Variants in RYR2 observed in about 807,000 individuals in gnomAD.
The protein encoded by RYR2 is cardiac muscle ryanodine receptor-calcium release channel.
A neutral mutation model predicts 601.1 loss-of-function variants in RYR2; 227 were observed. The ratio of observed to expected loss-of-function variants is 0.38; its 90% confidence interval spans 0.34 to 0.42. The LOEUF (loss-of-function observed/expected upper bound fraction) is 0.42. RYR2 is among the 10% of genes least tolerant of loss of function. RYR2 has a pLI of 1.00. For synonymous variants in RYR2, 2,223 were observed against 2,175.1 expected (o/e 1.02, Z -0.61); for missense variants, 4,646 against 6,156.5 (o/e 0.75, Z 8.21).
intron 29 of RYR2, among the ~76,000 whole-genome samples, chr1:237,571,215 A>G (rs1470642846): frequency 6.6e-6 from 1 of 152,062 alleles, no homozygotes; most frequent in East Asian, 1.9e-4. Context: ...ATGTTTGCAT[A>G]TGGATTTGCA....
intron 8 of RYR2, among the ~76,000 whole-genome samples, chr1:237,382,184 G>T (rs1220448064): frequency 6.6e-6 from 1 of 152,114 alleles, no homozygotes; most frequent in Non-Finnish European, 1.5e-5. Flanking sequence ...TACTGATCAG[G>T]TTACTTAATG....
At chr1:237,330,463 C>T (rs750582184) in intron 2 of RYR2, among the ~76,000 whole-genome samples, 46 of 152,238 alleles carry the variant, frequency 3.0e-4, no homozygotes, top group Non-Finnish European at 4.4e-5. Context: ...TCTTGGCTAA[C>T]TGCAACCTCT....
intron 17 of RYR2, among the ~76,000 whole-genome samples, chr1:237,487,039 T>G (rs1186352312): frequency 6.6e-6 from 1 of 151,092 alleles, no homozygotes; most frequent in African/African-American, 2.5e-5. Context: ...TAGTTGAAAT[T>G]TTTTTAAGTA....
intron 27 of RYR2, among the ~76,000 whole-genome samples, chr1:237,566,111 T>A (rs1471761676): frequency 6.6e-6 from 1 of 152,204 alleles, no homozygotes; most frequent in Non-Finnish European, 1.5e-5. Flanking sequence ...CAACTTTCCC[T>A]TATTTCTGTT....
chr1:237,363,024 AC>A (rs1449885117), intron 4 of RYR2, among the ~76,000 whole-genome samples: 1 of 151,794 alleles, frequency 6.6e-6, no homozygotes, highest in Non-Finnish European at 1.5e-5. Flanking sequence ...CAACTTAGAT[AC>A]CTGACAAAAT....
chr1:237,768,485 A>G (rs1026139501), intron 84 of RYR2, among the ~76,000 whole-genome samples: 7 of 152,206 alleles, frequency 4.6e-5, no homozygotes, highest in African/African-American at 1.7e-4. Context: ...AAAAATCTTA[A>G]GCCTCTTATA....
At chr1:237,690,633 G>A (rs1336748453) in intron 63 of RYR2, among the ~76,000 whole-genome samples, 3 of 152,176 alleles carry the variant, frequency 2.0e-5, no homozygotes, top group East Asian at 1.9e-4. Context: ...AGGCCAAGGC[G>A]GACAGATCAC....
At chr1:237,413,655 A>G (rs1004926255) in intron 10 of RYR2, among the ~76,000 whole-genome samples, 2 of 152,122 alleles carry the variant, frequency 1.3e-5, no homozygotes, top group African/African-American at 4.8e-5. Context: ...CTCCATGCTC[A>G]TACAGATATA....
chr1:237,514,858 C>T (rs1328759728), intron 24 of RYR2, among the ~76,000 whole-genome samples: 6 of 152,304 alleles, frequency 3.9e-5, no homozygotes, highest in Non-Finnish European at 7.3e-5. Flanking sequence ...AAGGCTTTAA[C>T]ACCATATGTC....
intron 87 of RYR2, among the ~76,000 whole-genome samples, chr1:237,776,417 T>C (rs1236039497): frequency 2.6e-5 from 4 of 152,170 alleles, no homozygotes; most frequent in African/African-American, 9.7e-5. Flanking sequence ...TCTTTACCAC[T>C]AGAAGGAATC....
chr1:237,119,993 G>A (rs924306327), intron 1 of RYR2, among the ~76,000 whole-genome samples: 5 of 152,160 alleles, frequency 3.3e-5, no homozygotes, highest in African/African-American at 1.2e-4. Flanking sequence ...GGGTCATGTA[G>A]ACAGGAGGTT....
At chr1:237,281,927 C>T (rs1357609341) in intron 2 of RYR2, among the ~76,000 whole-genome samples, 2 of 152,012 alleles carry the variant, frequency 1.3e-5, no homozygotes, top group Non-Finnish European at 2.9e-5. Context: ...CTGAAAACTA[C>T]ACTTGGAGTA....
At chr1:237,352,335 G>T (rs1349295084) in intron 3 of RYR2, among the ~76,000 whole-genome samples, 1 of 151,796 alleles carries the variant, frequency 6.6e-6, no homozygotes, top group African/African-American at 2.4e-5. Flanking sequence ...AAAAATAAGT[G>T]ATTTCACTTA....
At position 237,614,550 on chromosome 1, in the gene RYR2, G is replaced by C; in HGVS notation, c.5422G>C (p.Asp1808His). ...TAAAGAGGGCAGTCTTCATGCCCGG[G>C]ACCCAGTTGGAGGGACTACTGAATT... ...AVKEGSLHARDPVGGTTEFLF... is the reference protein window; with the variant it reads ...AVKEGSLHARHPVGGTTEFLF... The change falls in exon 37 of 105, where the codon GAC becomes CAC. Residue 1808 changes from aspartate to histidine, a missense_variant. Asp to His is a moderately conservative substitution (Grantham distance 81). This residue lies in a region of RYR2 where 1,807 missense variants were observed against 2,088.1 expected (regional missense o/e 0.87). Transcript: ENST00000366574. The surrounding 1 kb of genome is among the most constrained non-coding windows in gnomAD (Gnocchi z 4.3). 4 of 1,614,044 alleles carry C rather than the reference G, an allele frequency of 2.5e-6. No homozygotes were observed. The highest frequency in any genetic ancestry group is 3.4e-6 in the Non-Finnish European group (4 of 1,179,908).
At chr1:237,331,449 TTAGGC>T (rs1696700698) in intron 3 of RYR2, among the ~76,000 whole-genome samples, 1 of 152,192 alleles carries the variant, frequency 6.6e-6, no homozygotes, top group Admixed American at 6.5e-5. Context: ...TGATATGGCT[TTAGGC>T]TATTGTAATT....
chr1:237,725,296 G>A (rs1020827867), intron 74 of RYR2, among the ~76,000 whole-genome samples: 2 of 151,986 alleles, frequency 1.3e-5, no homozygotes, highest in Admixed American at 6.6e-5. Flanking sequence ...AGAAATTGTC[G>A]ATTATCAAAA....
At chr1:237,099,630 A>G (rs1667861433) in intron 1 of RYR2, among the ~76,000 whole-genome samples, 1 of 152,226 alleles carries the variant, frequency 6.6e-6, no homozygotes, top group Non-Finnish European at 1.5e-5. Context: ...TAAATTAAAA[A>G]TCCTACACTG....
chr1:237,629,731 G>A (rs2148675434), intron 41 of RYR2, among the ~76,000 whole-genome samples: 1 of 152,042 alleles, frequency 6.6e-6, no homozygotes, highest in East Asian at 1.9e-4. Flanking sequence ...ACAATCCTGA[G>A]GGAAGAAAAC....
intron 34 of RYR2, among the ~76,000 whole-genome samples, chr1:237,601,307 T>A (rs957095161): frequency 1.3e-5 from 2 of 152,126 alleles, no homozygotes; most frequent in Admixed American, 6.6e-5. Context: ...TGGAGGATAT[T>A]GTGTTTAGTG....
Sources: gnomAD v4.1 joint callset for allele counts (sites outside exome capture counted in the v4.1 genomes callset) on GRCh38, gnomAD v4.1.1 for gene constraint, gnomAD v4.1.1 regional missense constraint, Gnocchi (gnomAD v3.1) non-coding constraint, MANE v1.5 for transcripts, NCBI Gene and HGNC (gene_info 2026-07-23, HGNC 2026-07-21) for gene names.